The following FANCD2 variants were observed in gnomAD, a reference collection of about 807,000 sequenced individuals.
FANCD2 encodes the protein Fanconi anemia group D2 protein.
In FANCD2, 131 loss-of-function variants were observed where a neutral mutation model predicts 192.3. The observed-to-expected ratio is 0.68, with a 90% CI of 0.59 to 0.79. The LOEUF is 0.79. FANCD2 is among the 30% of genes least tolerant of loss of function. The pLI, the probability that FANCD2 is intolerant of heterozygous loss-of-function variation, is 0.00. For synonymous variants in FANCD2, 524 were observed against 612.5 expected (o/e 0.86, Z 2.13); for missense variants, 1,508 against 1,701.6 (o/e 0.89, Z 2.00).
At chr3:10,082,760 C>T (rs6791810) in intron 32 of FANCD2, among the ~76,000 whole-genome samples, 34,180 of 152,058 alleles carry the variant, frequency 0.22, 4,976 homozygotes, top group African/African-American at 0.42. Context: ...GGTATCCGTT[C>T]GTGATAAAAC....
intron 1 of FANCD2, 67 bp from the exon 2 acceptor site, chr3:10,028,558 A>G: frequency 9.3e-7 from 1 of 1,080,800 alleles, no homozygotes; most frequent in Non-Finnish European, 1.4e-6. Flanking sequence ...TTTTCTTTGA[A>G]CAATAGCTTT....
chr3:10,088,733 C>T (rs1467557952), intron 35 of FANCD2, 95 bp from the exon 36 acceptor site: 1 of 1,367,272 alleles, frequency 7.3e-7, no homozygotes, highest in Non-Finnish European at 1.0e-6. Flanking sequence ...TAGCTAACTG[C>T]TTATTGTTAA....
chr3:10,029,672 G>A (rs2086542312), intron 2 of FANCD2, among the ~76,000 whole-genome samples: 1 of 152,136 alleles, frequency 6.6e-6, no homozygotes, highest in East Asian at 1.9e-4. Context: ...AAATTTTGGT[G>A]CACCTGTCAC....
At chr3:10,032,753 C>G (rs1202246005) in intron 2 of FANCD2, 79 bp from the exon 3 acceptor site, 9 of 1,271,694 alleles carry the variant, frequency 7.1e-6, no homozygotes, top group Non-Finnish European at 1.0e-5. Flanking sequence ...GTTTTCCTCT[C>G]ATGATTATTA....
chr3:10,051,106 C>T (rs1485753913), intron 17 of FANCD2, among the ~76,000 whole-genome samples: 12 of 149,818 alleles, frequency 8.0e-5, no homozygotes, highest in East Asian at 3.9e-4. Context: ...TGAGGCCGGG[C>T]GCGGTGGCTC....
At chr3:10,083,902 A>G (rs1694006634) in intron 32 of FANCD2, among the ~76,000 whole-genome samples, 1 of 151,278 alleles carries the variant, frequency 6.6e-6, no homozygotes, top group Non-Finnish European at 1.5e-5. Context: ...AAAAAAAAAA[A>G]AAAAAGGTAT....
chr3:10,056,402 T>A (rs1434136891), intron 18 of FANCD2, among the ~76,000 whole-genome samples: 2 of 152,208 alleles, frequency 1.3e-5, no homozygotes, highest in Non-Finnish European at 2.9e-5. Flanking sequence ...ACCAAACTGC[T>A]TTCCATAGCA....
intron 32 of FANCD2, 81 bp from the exon 33 acceptor site, chr3:10,085,731 G>A (rs1694153713): frequency 6.6e-6 from 6 of 910,060 alleles, no homozygotes; most frequent in South Asian, 3.9e-5. Flanking sequence ...TGATGGTACA[G>A]ACTGGAGGCC....
At chr3:10,091,802 T>A (rs1467845983) in intron 37 of FANCD2, among the ~76,000 whole-genome samples, 1 of 152,136 alleles carries the variant, frequency 6.6e-6, no homozygotes, top group Non-Finnish European at 1.5e-5. Context: ...CATAGAAGAA[T>A]CAGCAACTAC....
rs906026844 is a variant in FANCD2, at chr3:10,095,090, C to G, written c.3964-110C>G. ...AAATTAAGATGATTATCAGCATAGG[C>G]TGGAAACTGCAGAGTTTATCCTCTT... On this transcript the variant is annotated intron_variant, in intron 40 of 43. Coordinates refer to ENST00000675286, the MANE Select transcript of FANCD2 (RefSeq NM_001018115.3). 6.8e-6 allele frequency: 6 copies of G among 882,084 alleles called. No homozygotes were observed. In the Middle Eastern group the frequency reaches 8.5e-4, roughly 125 times the overall value. 54.6% of individuals were successfully genotyped at this position (882,084 alleles called of 1,614,324 possible). A position where few individuals can be genotyped will look rare whatever the true frequency, so the allele number is the denominator to read the frequency against.
chr3:10,101,358 A>G lies in FANCD2; in HGVS notation c.*96A>G. 2 of 620,654 alleles carry G rather than the reference A, an allele frequency of 3.2e-6. No homozygotes were observed. Among genetic ancestry groups the G allele is most frequent in the South Asian group, 3.1e-5 (2 of 64,266 alleles). The allele number at this position is 620,654 out of a possible 1,614,324, so 38.4% of individuals were successfully genotyped here. ...TCCGCTGTTTGCCTTTCTTACTGGT[A>G]GGATCCTTTTTTGTTCCTCTTTTTT... is the stretch of plus-strand genomic sequence containing the variant. On this transcript the variant is annotated 3_prime_UTR_variant, in exon 44 of 44. Coordinates refer to ENST00000675286, the MANE Select transcript of FANCD2 (RefSeq NM_001018115.3).
chr3:10,034,448 G>C (rs376680433), intron 3 of FANCD2, 21 bp from the exon 4 acceptor site: 2 of 1,596,186 alleles, frequency 1.3e-6, no homozygotes, highest in East Asian at 2.2e-5. Flanking sequence ...CTGGTGACCA[G>C]CTCTTCTTTT....
chr3:10,033,187 G>A (rs899695524), intron 3 of FANCD2, among the ~76,000 whole-genome samples: 6 of 152,102 alleles, frequency 3.9e-5, no homozygotes, highest in African/African-American at 9.7e-5. Context: ...CGAGGCAGGC[G>A]GATTGCCTGA....
At chr3:10,099,321 G>C (rs1695164893) in intron 43 of FANCD2, 2 of 1,211,572 alleles carry the variant, frequency 1.7e-6, no homozygotes, top group South Asian at 3.9e-5. Context: ...TTTAAAGAAA[G>C]CTAAATAAAA....
intron 9 of FANCD2, chr3:10,040,308 T>G (rs578227542): frequency 1.1e-5 from 4 of 356,144 alleles, no homozygotes; most frequent in African/African-American, 8.6e-5. Flanking sequence ...AGTGCTGGGA[T>G]TACAGGCATG....
chr3:10,090,220 T>C (rs978192676), intron 36 of FANCD2, 72 bp from the exon 37 acceptor site: 18 of 1,127,114 alleles, frequency 1.6e-5, no homozygotes, highest in Non-Finnish European at 2.4e-5. Context: ...CTACTTTTGG[T>C]TCCTGGTTCT....
At chr3:10,035,684 C>T (rs897579482) in intron 6 of FANCD2, among the ~76,000 whole-genome samples, 14 of 152,220 alleles carry the variant, frequency 9.2e-5, no homozygotes, top group African/African-American at 3.4e-4. Flanking sequence ...AACTTCCCTC[C>T]ACCCCATTCT....
rs749402179 is a variant in FANCD2, at chr3:10,028,702, C to T, written c.45C>T (p.Ser15=). 6.2e-7 allele frequency: 1 copy of T among 1,613,906 alleles called. No individual in the cohort carries two copies. Among genetic ancestry groups the T allele is most frequent in the Non-Finnish European group, 8.5e-7 (1 of 1,179,832 alleles). Residue 15 remains serine (S), a synonymous_variant, in exon 2 of 44, where the codon AGC becomes AGT. Coordinates refer to ENST00000675286, the MANE Select transcript of FANCD2 (RefSeq NM_001018115.3). ...TGTCAAAATCTGAGGATAAAGAGAG[C>T]CTGACAGAAGATGCCTCCAGTAAGT... ...RRLSKSEDKE[S]LTEDASKTRK... is the part of the protein sequence containing the mutation.
At chr3:10,075,618 G>T (rs1433487040) in intron 29 of FANCD2, among the ~76,000 whole-genome samples, 2 of 151,938 alleles carry the variant, frequency 1.3e-5, no homozygotes, top group African/African-American at 4.8e-5. Flanking sequence ...TTTTGAGATG[G>T]GATTTCATCA....
Sources: gnomAD v4.1 joint callset for allele counts (sites outside exome capture counted in the v4.1 genomes callset) on GRCh38, gnomAD v4.1.1 for gene constraint, MANE v1.5 for transcripts, NCBI Gene and HGNC (gene_info 2026-07-23, HGNC 2026-07-21) for gene names.